LITAF: variants seen among roughly 807,000 people sequenced by gnomAD.
LITAF encodes lipopolysaccharide-induced tumor necrosis factor-alpha factor.
In LITAF, 9 loss-of-function variants were observed where a neutral mutation model predicts 14.5. The observed-to-expected ratio is 0.62, with a 90% CI of 0.37 to 1.08. The LOEUF is 1.08. LITAF is among the 50% of genes least tolerant of loss of function. LITAF has a pLI of 0.01. For missense variants in LITAF, 206 were observed against 213.4 expected, an observed-to-expected ratio of 0.97 and a Z score of 0.22; for synonymous variants, 98 against 88.2, an observed-to-expected ratio of 1.11 and a Z score of -0.62.
chr16:11,599,219 A>G (rs1172427355), upstream of LITAF, among the ~76,000 whole-genome samples: 2 of 151,922 alleles, frequency 1.3e-5, no homozygotes, highest in Admixed American at 6.6e-5. Flanking sequence ...CCTGGGTTCC[A>G]GCGATTCTCC....
intron 3 of LITAF, among the ~76,000 whole-genome samples, chr16:11,616,944 G>A (rs1457384202): frequency 1.3e-5 from 2 of 151,316 alleles, no homozygotes; most frequent in African/African-American, 4.9e-5. Flanking sequence ...TGCCAGCAGG[G>A]CGCAGTGGCT....
At chr16:11,583,232 A>C (rs918735987) in intron 1 of LITAF, among the ~76,000 whole-genome samples, 1 of 152,220 alleles carries the variant, frequency 6.6e-6, no homozygotes, top group Non-Finnish European at 1.5e-5. Context: ...ATGTCCCACA[A>C]GTCAAAGATA....
chr16:11,630,893 G>A (rs931855310), intron 3 of LITAF, among the ~76,000 whole-genome samples: 7 of 152,052 alleles, frequency 4.6e-5, no homozygotes, highest in Admixed American at 1.3e-4. Context: ...CACGGTGCCC[G>A]GCCTGCCATT....
At chr16:11,568,691 T>G (rs949242928) in intron 1 of LITAF, among the ~76,000 whole-genome samples, 1 of 150,530 alleles carries the variant, frequency 6.6e-6, no homozygotes, top group Non-Finnish European at 1.5e-5. Context: ...TTGTTTTTTT[T>G]TTTTTTGAGA....
At chr16:11,635,276 G>A (rs146771560) in intron 2 of LITAF, among the ~76,000 whole-genome samples, 52 of 152,262 alleles carry the variant, frequency 3.4e-4, no homozygotes, top group Non-Finnish European at 6.0e-4. Flanking sequence ...TTGTGCAAAC[G>A]CTTGCATAGA....
chr16:11,599,769 C>T (rs373451586), upstream of LITAF, among the ~76,000 whole-genome samples: 8 of 152,220 alleles, frequency 5.3e-5, no homozygotes, highest in African/African-American at 1.7e-4. Flanking sequence ...CCACAGGGGC[C>T]TCCTCCCAGC....
rs1327798704 is a variant in LITAF, at chr16:11,548,100, A to G, written c.*1537T>C. On this transcript the variant is annotated 3_prime_UTR_variant, in exon 4 of 4. Coordinates refer to ENST00000622633, the MANE Select transcript of LITAF (RefSeq NM_001136472.2). ...AAAATGATAATTACTGGAATTTTCCAAACATCAAATGAAGGGGGATCAATG... is the reference window on the plus strand; with the variant it reads ...AAAATGATAATTACTGGAATTTTCCGAACATCAAATGAAGGGGGATCAATG... 1 of 454,042 alleles carries G rather than the reference A, an allele frequency of 2.2e-6. No homozygotes were observed. The highest frequency in any genetic ancestry group is 2.0e-5 in the African/African-American group (1 of 50,022). The allele number at this position is 454,042 out of a possible 1,614,324, so 28.1% of individuals were successfully genotyped here.
At chr16:11,576,507 T>C (rs8059742) in intron 1 of LITAF, among the ~76,000 whole-genome samples, 1,472 of 115,788 alleles carry the variant, frequency 0.013, 32 homozygotes, top group African/African-American at 0.047. Flanking sequence ...TAAATTCCCA[T>C]ATTCCCCTCT....
upstream of LITAF, among the ~76,000 whole-genome samples, chr16:11,600,944 G>A (rs911770643): frequency 2.6e-5 from 4 of 152,106 alleles, no homozygotes; most frequent in African/African-American, 4.8e-5. The surrounding 1 kb of genome is among the most constrained non-coding windows in gnomAD (Gnocchi z 4.1). Flanking sequence ...CAGGCAAACC[G>A]GGGCATGTCA....
rs529366049 is a variant in LITAF, at chr16:11,617,090, C to T, written c.85+16443G>A. Among the ~76,000 whole-genome samples the T allele has an allele frequency of 6.0e-4, 91 of 151,946 alleles. 1 individual carries two copies. The South Asian group carries it at 0.019, about 31-fold the overall frequency. On this transcript the variant is annotated intron_variant, in intron 3 of 3. Coordinates refer to the LITAF transcript ENST00000574848. ...CAAAAATTTGCCAGGCGTGGTGGTG[C>T]AAGCCTGTGGTCCCAGCTACTTGAG...
chr16:11,563,755 A>G (rs1479987852), intron 1 of LITAF, among the ~76,000 whole-genome samples: 2 of 152,058 alleles, frequency 1.3e-5, no homozygotes, highest in Admixed American at 6.6e-5. Context: ...TCATATTGAG[A>G]AGAAAAACAA....
intron 3 of LITAF, among the ~76,000 whole-genome samples, chr16:11,611,917 G>A (rs1186915368): frequency 6.6e-6 from 1 of 152,048 alleles, no homozygotes; most frequent in African/African-American, 2.4e-5. Context: ...CGCCCACCTC[G>A]GCCTCCCAAA....
intron 3 of LITAF, among the ~76,000 whole-genome samples, chr16:11,550,421 C>G (rs935637227): frequency 3.3e-5 from 5 of 152,028 alleles, no homozygotes; most frequent in Admixed American, 6.6e-5. Flanking sequence ...CACTTCTGGC[C>G]TCTAGAATTG....
chr16:11,637,984 CTATATATATCT>C (rs2065146901), upstream of LITAF, among the ~76,000 whole-genome samples: 3 of 48,164 alleles, frequency 6.2e-5, no homozygotes, highest in Non-Finnish European at 1.1e-4. Context: ...CTATATATAT[CTATATATATCT>C]ATATATATCT....
chr16:11,585,459 G>C (rs2064792562), intron 1 of LITAF, among the ~76,000 whole-genome samples: 1 of 152,122 alleles, frequency 6.6e-6, no homozygotes, highest in Non-Finnish European at 1.5e-5. Context: ...GCAAGGGCTG[G>C]TGGAGAAGAA....
At chr16:11,564,891 C>G (rs190228149) in intron 1 of LITAF, among the ~76,000 whole-genome samples, 1 of 151,872 alleles carries the variant, frequency 6.6e-6, no homozygotes, top group Non-Finnish European at 1.5e-5. Context: ...GATGGGTGTA[C>G]AGCAGTGGGA....
upstream of LITAF, among the ~76,000 whole-genome samples, chr16:11,637,908 A>ATATATCTATATC (rs1208012312): frequency 1.7e-5 from 1 of 59,622 alleles, no homozygotes; most frequent in Non-Finnish European, 2.9e-5. Context: ...CTATATATAT[A>ATATATCTATATC]TATATCTATA....
At chr16:11,584,543 C>A (rs1356959159) in intron 1 of LITAF, among the ~76,000 whole-genome samples, 1 of 152,204 alleles carries the variant, frequency 6.6e-6, no homozygotes, top group African/African-American at 2.4e-5. Flanking sequence ...CTTGTCTGTA[C>A]CTCTTCCACA....
intron 3 of LITAF, among the ~76,000 whole-genome samples, chr16:11,627,976 C>T (rs2141902567): frequency 7.1e-6 from 1 of 141,010 alleles, no homozygotes; most frequent in South Asian, 2.4e-4. Context: ...TGCGTCACTG[C>T]ACTCCAGCCT....
Sources: gnomAD v4.1 joint callset for allele counts (sites outside exome capture counted in the v4.1 genomes callset) on GRCh38, gnomAD v4.1.1 for gene constraint, Gnocchi (gnomAD v3.1) non-coding constraint, MANE v1.5 for transcripts, NCBI Gene and HGNC (gene_info 2026-07-23, HGNC 2026-07-21) for gene names.